SEPTIN6: variants seen among roughly 807,000 people sequenced by gnomAD.
SEPTIN6 encodes septin-6.
A neutral mutation model predicts 33.6 loss-of-function variants in SEPTIN6; 8 were observed. The observed-to-expected ratio is 0.24, with a 90% CI of 0.14 to 0.43. The LOEUF (loss-of-function observed/expected upper bound fraction) is 0.43. SEPTIN6 is among the 20% of genes least tolerant of loss of function. The pLI is 1.00. For missense variants in SEPTIN6, 250 were observed against 340.8 expected (o/e 0.73, Z 2.10); for synonymous variants, 131 against 140.0 (o/e 0.94, Z 0.45).
intron 2 of SEPTIN6, among the ~76,000 whole-genome samples, chrX:119,673,841 C>CAAAAAAAA (rs774954935): frequency 4.5e-4 from 17 of 37,975 alleles, no homozygotes; most frequent in African/African-American, 5.8e-4. Context: ...GACTCTGTCT[C>CAAAAAAAA]AAAAAAAAAA....
At chrX:119,625,223 G>C in intron 10 of SEPTIN6, 112 bp downstream of exon 10, 1 of 534,205 alleles carries the variant, frequency 1.9e-6, no homozygotes. Context: ...AAACCAGCTA[G>C]ACCAATGAAG....
intron 1 of SEPTIN6, among the ~76,000 whole-genome samples, chrX:119,678,810 C>A (rs887144933): frequency 2.7e-5 from 3 of 111,118 alleles, no homozygotes; most frequent in African/African-American, 9.8e-5. Flanking sequence ...GTTATCACCC[C>A]TGGCTGCCTC....
At chrX:119,663,448 T>TGCCCCCCCC in intron 3 of SEPTIN6, 34 bp downstream of exon 3, 3 of 751,154 alleles carry the variant, frequency 4.0e-6, no homozygotes, top group Non-Finnish European at 4.0e-6. Flanking sequence ...TCTACCAACC[T>TGCCCCCCCC]CCCCACCCTA....
intron 2 of SEPTIN6, among the ~76,000 whole-genome samples, chrX:119,668,139 T>C (rs2054676905): frequency 9.1e-6 from 1 of 110,005 alleles, no homozygotes; most frequent in Non-Finnish European, 1.9e-5. Flanking sequence ...CTACTAAAAA[T>C]ACAAAAATTA....
At chrX:119,671,490 G>A (rs563447748) in intron 2 of SEPTIN6, among the ~76,000 whole-genome samples, 4 of 109,534 alleles carry the variant, frequency 3.7e-5, no homozygotes, top group East Asian at 2.9e-4. Context: ...GGGTTTCACC[G>A]TGTTAGCCAG....
chrX:119,620,953 T>A (rs1222362459), intron 10 of SEPTIN6, among the ~76,000 whole-genome samples: 11 of 99,560 alleles, frequency 1.1e-4, no homozygotes, highest in Non-Finnish European at 1.8e-4. Flanking sequence ...TCCTGACTAG[T>A]GTCCCCCACC....
intron 1 of SEPTIN6, chrX:119,686,759 G>T: frequency 3.3e-6 from 1 of 301,884 alleles, no homozygotes. Context: ...TTTATTTAAA[G>T]CAATATGGAG....
At chrX:119,651,760 C>T (rs1441195066) in intron 4 of SEPTIN6, among the ~76,000 whole-genome samples, 1 of 112,639 alleles carries the variant, frequency 8.9e-6, no homozygotes, top group Non-Finnish European at 1.9e-5. Flanking sequence ...CCATGTGGCT[C>T]ACCAATGCCC....
chrX:119,657,922 A>G (rs750523127), intron 3 of SEPTIN6, among the ~76,000 whole-genome samples: 7 of 111,757 alleles, frequency 6.3e-5, no homozygotes, highest in East Asian at 2.8e-4. Flanking sequence ...TCAGGAAATC[A>G]AGACCATCCT....
chrX:119,628,158 C>T (rs1281784151), intron 9 of SEPTIN6, among the ~76,000 whole-genome samples: 3 of 103,764 alleles, frequency 2.9e-5, no homozygotes, highest in South Asian at 4.3e-4. Context: ...AGTCTCACTC[C>T]GTTGCCCAGG....
chrX:119,633,517 T>C (rs767167820), intron 7 of SEPTIN6, 25 bp from the exon 8 acceptor site: 13 of 1,174,153 alleles, frequency 1.1e-5, no homozygotes, highest in Middle Eastern at 2.4e-4. Flanking sequence ...AGGTTAATTC[T>C]TCTTCCTTTG....
intron 5 of SEPTIN6, chrX:119,646,928 C>G (rs1162295769): frequency 1.4e-5 from 2 of 145,140 alleles, no homozygotes; most frequent in East Asian, 4.5e-4. Context: ...CTAAGCAATC[C>G]TCTGTGTATA....
chrX:119,621,554 C>T (rs1339948303), intron 10 of SEPTIN6, among the ~76,000 whole-genome samples: 1 of 105,286 alleles, frequency 9.5e-6, no homozygotes, highest in East Asian at 3.0e-4. Flanking sequence ...TGCAATGGTG[C>T]GATCTTGGCT....
chrX:119,638,965 C>T (rs2054109584), intron 6 of SEPTIN6, among the ~76,000 whole-genome samples: 1 of 112,505 alleles, frequency 8.9e-6, no homozygotes, highest in Non-Finnish European at 1.9e-5. Context: ...ACCATGTCTA[C>T]TGGCTTCTCC....
At chrX:119,624,155 T>TG in intron 10 of SEPTIN6, 2 of 232,676 alleles carry the variant, frequency 8.6e-6, no homozygotes, top group South Asian at 3.9e-5. Context: ...TTTTTTTTTT[T>TG]TGTTTTTTTT....
At chrX:119,631,883 C>G (rs1053419921) in intron 8 of SEPTIN6, among the ~76,000 whole-genome samples, 14 of 108,771 alleles carry the variant, frequency 1.3e-4, no homozygotes, top group Non-Finnish European at 2.5e-4. Context: ...CTGCCTCAGT[C>G]TCCCAAGTAG....
Position 119,650,348 on chromosome X carries a change from C to G in SEPTIN6, c.529-250G>C, listed in dbSNP as rs1227776331. Among the ~76,000 whole-genome samples, 5 of 112,357 alleles carry G rather than the reference C, an allele frequency of 4.5e-5. No homozygotes were observed. In the East Asian group the frequency reaches 1.4e-3, roughly 31 times the overall value. ...ACCCTTCCAGGAGGTATTATTACTA[C>G]TATTTTGCCAATGAGAAATTAAGGC... On this transcript the variant is annotated intron_variant, in intron 4 of 10. Transcript: ENST00000394610.
chrX:119,651,838 T>C (rs754417908), intron 4 of SEPTIN6, among the ~76,000 whole-genome samples: 34 of 112,451 alleles, frequency 3.0e-4, no homozygotes, highest in Non-Finnish European at 5.1e-4. Context: ...CATGAGCCTA[T>C]TGCTGCAAAA....
At chrX:119,620,133 T>A in intron 10 of SEPTIN6, 82 bp from the exon 11 acceptor site, 1 of 727,422 alleles carries the variant, frequency 1.4e-6, no homozygotes, top group Non-Finnish European at 2.1e-6. Flanking sequence ...GAAAATTAAG[T>A]AATGAGGACT....
Sources: gnomAD v4.1 joint callset for allele counts (sites outside exome capture counted in the v4.1 genomes callset) on GRCh38, gnomAD v4.1.1 for gene constraint, MANE v1.5 for transcripts, NCBI Gene and HGNC (gene_info 2026-07-23, HGNC 2026-07-21) for gene names.